Variants in ASAP2 observed in about 807,000 individuals in gnomAD.
The protein encoded by ASAP2 is ArfGAP with SH3 domain, ankyrin repeat and PH domain 2, also known as arf-GAP with SH3 domain, ANK repeat and PH domain-containing protein 2.
Under a neutral mutation model 131.4 loss-of-function variants are expected in ASAP2, and 45 were observed. The ratio of observed to expected loss-of-function variants is 0.34; its 90% confidence interval spans 0.27 to 0.44. The LOEUF (loss-of-function observed/expected upper bound fraction) is 0.44. Among genes scored for constraint, ASAP2 ranks in the 20% least tolerant of loss-of-function variants. ASAP2 has a pLI of 1.00. For synonymous variants in ASAP2, 510 were observed against 503.0 expected (o/e 1.01, Z -0.19); for missense variants, 1,011 against 1,297.0 (o/e 0.78, Z 3.39).
chr2:9,402,242 GCTGTGAGCTCTCAGGGCCAGGCAGCA>G (rs756852578), intron 27 of ASAP2, among the ~76,000 whole-genome samples: 4 of 152,214 alleles, frequency 2.6e-5, no homozygotes, highest in Admixed American at 6.5e-5. Context: ...CTCCAGAGGC[GCTGTGAGCTCTCAGGGCCAGGCAGCA>G]CTGCCTTCAT....
Position 9,368,451 on chromosome 2 carries a change from C to T in ASAP2, c.1488C>T (p.Gly496=), listed in dbSNP as rs1440358056. The part of the protein sequence containing the change: ...LLLAKNIGNA[G]FNEIMECCLP... ...TCGCCAAGAATATTGGGAATGCAGG[C>T]TTTAATGAGATCATGGAATGTTGCC... is the stretch of plus-strand genomic sequence containing the variant. The change falls in exon 16 of 28, where the codon GGC becomes GGT. Residue 496 remains glycine, a synonymous_variant. Coordinates refer to ENST00000281419, the MANE Select transcript of ASAP2 (RefSeq NM_003887.3). 1.2e-6 allele frequency: 2 copies of T among 1,614,126 alleles called. No homozygotes were observed. Among genetic ancestry groups the T allele is most frequent in the African/African-American group, 1.3e-5 (1 of 75,012 alleles).
intron 2 of ASAP2, among the ~76,000 whole-genome samples, chr2:9,295,069 A>C (rs1668070234): frequency 6.6e-6 from 1 of 152,242 alleles, no homozygotes; most frequent in Admixed American, 6.5e-5. Flanking sequence ...CTTCACTGTT[A>C]ACCACACTCT....
At chr2:9,370,902 T>A (rs956266170) in intron 16 of ASAP2, among the ~76,000 whole-genome samples, 1 of 152,228 alleles carries the variant, frequency 6.6e-6, no homozygotes, top group South Asian at 2.1e-4. Flanking sequence ...CATCTCCTGC[T>A]GTGCAGTTGA....
rs1676972343 is a variant in ASAP2 at position 9,404,002 on chromosome 2, G to T, written c.*675G>T. On this transcript the variant is annotated 3_prime_UTR_variant, in exon 28 of 28. Transcript: ENST00000281419. Reference sequence around the variant, plus strand: ...ACGTAGGGTAACTACAGTTCATTCTGTTCCAGGTTATATAAAACTGCATTT... The same window carrying T: ...ACGTAGGGTAACTACAGTTCATTCTTTTCCAGGTTATATAAAACTGCATTT... The T allele has an allele frequency of 1.3e-5, 2 of 152,186 alleles. No individual in the cohort carries two copies. Among genetic ancestry groups the T allele is most frequent in the South Asian group, 4.1e-4 (2 of 4,828 alleles). 9.4% of individuals were successfully genotyped at this position (152,186 alleles called of 1,614,324 possible). A position where few individuals can be genotyped will look rare whatever the true frequency, so the allele number is the denominator to read the frequency against.
At chr2:9,250,686 T>G (rs1460603438) in intron 1 of ASAP2, among the ~76,000 whole-genome samples, 3 of 152,212 alleles carry the variant, frequency 2.0e-5, no homozygotes, top group African/African-American at 7.2e-5. Flanking sequence ...AGGAGTAGGC[T>G]GTGGAGCTCA....
At chr2:9,215,230 C>T (rs1661932558) in intron 1 of ASAP2, among the ~76,000 whole-genome samples, 1 of 152,086 alleles carries the variant, frequency 6.6e-6, no homozygotes, top group Non-Finnish European at 1.5e-5. Flanking sequence ...CAGTAAAAAT[C>T]CCTCTTATAA....
At chr2:9,277,527 G>T (rs940689653) in intron 1 of ASAP2, among the ~76,000 whole-genome samples, 64 of 152,158 alleles carry the variant, frequency 4.2e-4, no homozygotes, top group Admixed American at 2.3e-3. Flanking sequence ...CTTTAGTATG[G>T]CAGGAAAGAA....
intron 12 of ASAP2, among the ~76,000 whole-genome samples, chr2:9,355,598 A>G (rs1672647194): frequency 6.6e-6 from 1 of 152,252 alleles, no homozygotes; most frequent in Non-Finnish European, 1.5e-5. Flanking sequence ...CATTTCTAGT[A>G]TTTGATTCTC....
At chr2:9,263,691 CTCG>C (rs1409065525) in intron 1 of ASAP2, among the ~76,000 whole-genome samples, 1 of 152,166 alleles carries the variant, frequency 6.6e-6, no homozygotes, top group African/African-American at 2.4e-5. Context: ...GCTGCAGCCT[CTCG>C]TTGTTCATGC....
chr2:9,373,166 CCCTGT>C (rs1674117802), intron 16 of ASAP2, among the ~76,000 whole-genome samples: 1 of 152,096 alleles, frequency 6.6e-6, no homozygotes, highest in Non-Finnish European at 1.5e-5. Context: ...TTAACCTAGG[CCCTGT>C]AGAGCGGGCA....
At chr2:9,359,547 T>C (rs1056650675) in intron 15 of ASAP2, among the ~76,000 whole-genome samples, 2 of 152,234 alleles carry the variant, frequency 1.3e-5, no homozygotes, top group African/African-American at 4.8e-5. Context: ...CTGTCTTCCC[T>C]AGAAAGCAGT....
chr2:9,304,474 C>T (rs1188220332), intron 3 of ASAP2, among the ~76,000 whole-genome samples: 3 of 17,062 alleles, frequency 1.8e-4, no homozygotes, highest in African/African-American at 2.5e-4. Context: ...TGTAGATATG[C>T]GGTGGAGGGG....
intron 1 of ASAP2, among the ~76,000 whole-genome samples, chr2:9,236,728 T>C (rs917909821): frequency 2.0e-5 from 3 of 152,246 alleles, no homozygotes; most frequent in Non-Finnish European, 4.4e-5. Context: ...TGCATTTTAC[T>C]TTTTTGTTTT....
At chr2:9,334,964 A>G (rs1461273416) in intron 8 of ASAP2, 129 bp from the exon 9 acceptor site, 1 of 1,340,276 alleles carries the variant, frequency 7.5e-7, no homozygotes, top group Non-Finnish European at 1.0e-6. Flanking sequence ...TCTTGGTGGG[A>G]GGGAAGGTTT....
At chr2:9,342,039 C>T (rs1671619048) in intron 9 of ASAP2, among the ~76,000 whole-genome samples, 1 of 152,144 alleles carries the variant, frequency 6.6e-6, no homozygotes, top group African/African-American at 2.4e-5. Context: ...CAGTGCTAGA[C>T]ACTCATGTGC....
chr2:9,394,633 A>G (rs984834550), intron 24 of ASAP2, among the ~76,000 whole-genome samples: 1 of 152,210 alleles, frequency 6.6e-6, no homozygotes, highest in Non-Finnish European at 1.5e-5. Flanking sequence ...GGATACATAC[A>G]TACACCACTT....
chr2:9,361,030 T>C (rs1258299442), intron 15 of ASAP2, among the ~76,000 whole-genome samples: 1 of 152,234 alleles, frequency 6.6e-6, no homozygotes, highest in African/African-American at 2.4e-5. Context: ...TTGTTCTGTC[T>C]TGATGAAACG....
rs1558406585 is a variant in ASAP2, at chr2:9,400,768, G to T, written c.2761G>T (p.Gly921Cys). Residue 921 changes from glycine to cysteine, a missense_variant, in exon 26 of 28, where the codon GGT becomes TGT. Gly to Cys is a radical substitution (Grantham distance 159, BLOSUM62 -3). Coordinates refer to ENST00000281419, the MANE Select transcript of ASAP2 (RefSeq NM_003887.3). ...PVDLSATEAL[G>C]PLSNAMVLQP... ...GGATCTCTCTGCAACGGAAGCTCTGGGTCCTCTGTCCAATGCTATGGTCCT... is the reference window on the plus strand; with the variant it reads ...GGATCTCTCTGCAACGGAAGCTCTGTGTCCTCTGTCCAATGCTATGGTCCT... The T allele has an allele frequency of 4.3e-6, 7 of 1,613,754 alleles. No individual in the cohort carries two copies. The highest frequency in any genetic ancestry group is 5.9e-6 in the Non-Finnish European group (7 of 1,179,962).
At chr2:9,373,250 CT>C (rs146962967) in intron 16 of ASAP2, among the ~76,000 whole-genome samples, 4,923 of 152,282 alleles carry the variant, frequency 0.032, 249 homozygotes, top group African/African-American at 0.1. Context: ...CCAGGTGCCC[CT>C]GGAAGTCCTT....
Sources: allele counts gnomAD v4.1 joint callset (sites outside exome capture counted in the v4.1 genomes callset), GRCh38; gene constraint gnomAD v4.1.1; transcripts MANE v1.5; gene names NCBI Gene and HGNC (gene_info 2026-07-23, HGNC 2026-07-21).